PRR16: variants seen among roughly 807,000 people sequenced by gnomAD.
PRR16 encodes the protein proline rich 16, also known as protein Largen.
A neutral mutation model predicts 18.2 loss-of-function variants in PRR16; 6 were observed. The ratio of observed to expected loss-of-function variants is 0.33; its 90% CI spans 0.18 to 0.65. The LOEUF (loss-of-function observed/expected upper bound fraction) is 0.65, where lower values mean the gene tolerates loss of function less well. Ranked by LOEUF, PRR16 falls within the 30% of genes least tolerant of loss-of-function variation. PRR16 has a pLI of 0.74. For synonymous variants in PRR16, 151 were observed against 147.8 expected (o/e 1.02, Z -0.16); for missense variants, 412 against 376.6 (o/e 1.09, Z -0.78).
chr5:120,624,886 TA>T (rs1440515814), intron 1 of PRR16, among the ~76,000 whole-genome samples: 1 of 152,094 alleles, frequency 6.6e-6, no homozygotes, highest in Non-Finnish European at 1.5e-5. Context: ...TGATAATGAA[TA>T]AGTCTCATGA....
chr5:120,646,817 T>C (rs1390873302), intron 1 of PRR16, among the ~76,000 whole-genome samples: 1 of 151,842 alleles, frequency 6.6e-6, no homozygotes, highest in Non-Finnish European at 1.5e-5. Context: ...AGAGGAATTA[T>C]AAATAAATAG....
the PRR16 span, among the ~76,000 whole-genome samples, chr5:120,780,611 C>CA: frequency 0.017 from 2,657 of 152,160 alleles, 36 homozygotes; most frequent in Non-Finnish European, 0.026. Context: ...AATAGGTTGT[C>CA]AAAAAATCCC....
the PRR16 span, among the ~76,000 whole-genome samples, chr5:120,753,885 T>G: frequency 7.7e-6 from 1 of 129,470 alleles, no homozygotes; most frequent in Non-Finnish European, 1.6e-5. Flanking sequence ...TATTTATATA[T>G]TATATATAAT....
At chr5:120,576,835 G>T (rs1561554271) in intron 1 of PRR16, among the ~76,000 whole-genome samples, 1 of 152,052 alleles carries the variant, frequency 6.6e-6, no homozygotes, top group African/African-American at 2.4e-5. Flanking sequence ...TGGGTCTCCA[G>T]CTTGCCACCT....
intron 1 of PRR16, among the ~76,000 whole-genome samples, chr5:120,664,144 C>A (rs1756275375): frequency 6.6e-6 from 1 of 151,930 alleles, no homozygotes. Flanking sequence ...ACTAAAAATA[C>A]AAAAATTAGC....
At chr5:120,568,706 T>G (rs1017731888) in intron 1 of PRR16, among the ~76,000 whole-genome samples, 1 of 152,184 alleles carries the variant, frequency 6.6e-6, no homozygotes, top group African/African-American at 2.4e-5. Context: ...TACACATTCT[T>G]TGGTAATTAT....
intron 1 of PRR16, among the ~76,000 whole-genome samples, chr5:120,484,885 A>C (rs1265783288): frequency 6.6e-6 from 1 of 151,478 alleles, no homozygotes; most frequent in Non-Finnish European, 1.5e-5. Flanking sequence ...TAAAGAGTAT[A>C]CATACATATA....
intron 1 of PRR16, among the ~76,000 whole-genome samples, chr5:120,683,614 G>A (rs1036828458): frequency 1.3e-5 from 2 of 151,152 alleles, no homozygotes; most frequent in African/African-American, 4.9e-5. Flanking sequence ...ACTATTATTT[G>A]TGCTCCTGAG....
the PRR16 span, among the ~76,000 whole-genome samples, chr5:120,731,237 A>C: frequency 6.6e-6 from 1 of 152,220 alleles, no homozygotes; most frequent in Middle Eastern, 3.2e-3. Context: ...AAAAATCTAT[A>C]GTAAACTAAA....
chr5:120,758,542 T>C, the PRR16 span, among the ~76,000 whole-genome samples: 1 of 152,126 alleles, frequency 6.6e-6, no homozygotes, highest in Non-Finnish European at 1.5e-5. Context: ...GAAGGGGGGA[T>C]CTGCTAGGAG....
chr5:120,499,528 G>C (rs904105554), intron 1 of PRR16, among the ~76,000 whole-genome samples: 1 of 151,840 alleles, frequency 6.6e-6, no homozygotes, highest in African/African-American at 2.4e-5. Flanking sequence ...TGTTTCTTCT[G>C]TTCTGCTATT....
At chr5:120,486,975 C>T (rs200799765) in intron 1 of PRR16, among the ~76,000 whole-genome samples, 1,889 of 118,068 alleles carry the variant, frequency 0.016, no homozygotes, top group South Asian at 0.02. Flanking sequence ...GGCATTATTT[C>T]TGAGGGCTCT....
At chr5:120,767,856 T>TA in the PRR16 span, among the ~76,000 whole-genome samples, 1 of 151,800 alleles carries the variant, frequency 6.6e-6, no homozygotes, top group African/African-American at 2.4e-5. Flanking sequence ...ACTTTTGCAT[T>TA]AAAAAAATTC....
At chr5:120,588,981 A>C (rs1753543915) in intron 1 of PRR16, among the ~76,000 whole-genome samples, 1 of 152,080 alleles carries the variant, frequency 6.6e-6, no homozygotes, top group African/African-American at 2.4e-5. Context: ...GAAAAGTCCT[A>C]GTAAACTTCC....
the PRR16 span, among the ~76,000 whole-genome samples, chr5:120,790,981 C>T: frequency 6.6e-6 from 1 of 151,976 alleles, no homozygotes; most frequent in Non-Finnish European, 1.5e-5. Context: ...TTTTAATGAC[C>T]ATCATTTGAT....
chr5:120,519,691 G>C (rs1751110547), intron 1 of PRR16, among the ~76,000 whole-genome samples: 1 of 151,942 alleles, frequency 6.6e-6, no homozygotes, highest in African/African-American at 2.4e-5. Context: ...GTATGTCTCA[G>C]CATAAACATC....
chr5:120,501,920 C>A (rs1750468195), intron 1 of PRR16, among the ~76,000 whole-genome samples: 1 of 129,852 alleles, frequency 7.7e-6, no homozygotes, highest in Admixed American at 9.0e-5. Flanking sequence ...CGCGCCACTG[C>A]ACTCCAGCCT....
At chr5:120,532,451 C>A (rs1751582241) in intron 1 of PRR16, among the ~76,000 whole-genome samples, 1 of 151,884 alleles carries the variant, frequency 6.6e-6, no homozygotes, top group African/African-American at 2.4e-5. Context: ...AAGAAAAAAA[C>A]AACAAAATTT....
chr5:120,500,137 CTCCAGTTTT>C (rs892703831), intron 1 of PRR16, among the ~76,000 whole-genome samples: 11 of 152,092 alleles, frequency 7.2e-5, no homozygotes, highest in Admixed American at 1.3e-4. Context: ...GAGGGTGGGA[CTCCAGTTTT>C]TCTGTGCTGT....
Sources: gnomAD v4.1 joint callset for allele counts (sites outside exome capture counted in the v4.1 genomes callset) on GRCh38, gnomAD v4.1.1 for gene constraint, MANE v1.5 for transcripts, NCBI Gene and HGNC (gene_info 2026-07-23, HGNC 2026-07-21) for gene names.